The following PDE4D variants were observed in gnomAD, a reference collection of about 807,000 sequenced individuals.
The protein encoded by PDE4D is phosphodiesterase 4D, also known as 3',5'-cyclic-AMP phosphodiesterase 4D.
Under a neutral mutation model 87.4 loss-of-function variants are expected in PDE4D, and 24 were observed. The observed-to-expected ratio is 0.27, with a 90% CI of 0.20 to 0.39. The LOEUF is 0.39. Among genes scored for constraint, PDE4D ranks in the 10% least tolerant of loss-of-function variants. PDE4D has a pLI of 1.00. For missense variants in PDE4D, 714 were observed against 1,041.0 expected, an observed-to-expected ratio of 0.69 and a Z score of 4.32; for synonymous variants, 384 against 383.2, an observed-to-expected ratio of 1.00 and a Z score of -0.02.
In PDE4D at chr5:58,992,015, T is replaced by A; in HGVS notation, c.1016-11A>T. The stretch of plus-strand genomic sequence containing the variant: ...CTTCATGTTGCTTATCTTGAGAAAT[T>A]TAGAAAATGTTCTATATTTATTATT... On this transcript the variant is annotated splice_polypyrimidine_tract_variant and intron_variant, in intron 7 of 14. Transcript: ENST00000340635. 1 of 1,484,362 alleles carries A rather than the reference T, an allele frequency of 6.7e-7. No homozygotes were observed. The highest frequency in any genetic ancestry group is 9.1e-7 in the Non-Finnish European group (1 of 1,104,314). The allele number at this position is 1,484,362 out of a possible 1,614,324, so 91.9% of individuals were successfully genotyped here.
chr5:60,423,178 T>C (rs1038776597), intron 1 of PDE4D, among the ~76,000 whole-genome samples: 4 of 152,168 alleles, frequency 2.6e-5, no homozygotes. Context: ...TGAACTCAGC[T>C]CCGCAACAAG....
At chr5:59,096,981 C>G (rs1309431202) in intron 5 of PDE4D, among the ~76,000 whole-genome samples, 1 of 152,184 alleles carries the variant, frequency 6.6e-6, no homozygotes, top group Non-Finnish European at 1.5e-5. Flanking sequence ...AGATTTTACT[C>G]TTTAAATTCA....
intron 1 of PDE4D, among the ~76,000 whole-genome samples, chr5:59,257,950 A>G (rs1477961643): frequency 1.3e-5 from 2 of 151,988 alleles, no homozygotes; most frequent in African/African-American, 2.4e-5. Context: ...AAAACACCCC[A>G]GTCAAAGACA....
At position 60,351,938 on chromosome 5, in the gene PDE4D, T is replaced by G. The variant is rs149118632; in HGVS notation, c.-90+136004A>C. On this transcript the variant is annotated intron_variant, in intron 1 of 16. Coordinates refer to the PDE4D transcript ENST00000502484. ...CTCCCACCTCAGCCTCCTGAGTAGCTAGGACTACAGGCGTGCACCACCACA... is the reference window on the plus strand; with the variant it reads ...CTCCCACCTCAGCCTCCTGAGTAGCGAGGACTACAGGCGTGCACCACCACA... 4.8e-4 allele frequency among the ~76,000 whole-genome samples: 72 copies of G among 150,782 alleles called. 1 individual carries two copies. The East Asian group carries it at 0.013, about 27-fold the overall frequency.
intron 11 of PDE4D, among the ~76,000 whole-genome samples, chr5:58,983,242 C>CT (rs1408623840): frequency 2.0e-5 from 3 of 152,256 alleles, no homozygotes; most frequent in African/African-American, 4.8e-5. Flanking sequence ...ACCAGGCCCT[C>CT]TGTCAACTAC....
chr5:59,504,784 T>G (rs1230046042), intron 1 of PDE4D, among the ~76,000 whole-genome samples: 3 of 152,076 alleles, frequency 2.0e-5, no homozygotes, highest in Admixed American at 6.6e-5. Context: ...ACCAGTCATT[T>G]TCCCCCTGCT....
At chr5:59,415,687 T>G (rs1274745928) in intron 1 of PDE4D, among the ~76,000 whole-genome samples, 1 of 152,198 alleles carries the variant, frequency 6.6e-6, no homozygotes, top group Non-Finnish European at 1.5e-5. Flanking sequence ...ATATGTGATG[T>G]AAGTAAAAAA....
intron 1 of PDE4D, among the ~76,000 whole-genome samples, chr5:59,635,862 A>G (rs1832173107): frequency 6.6e-6 from 1 of 152,230 alleles, no homozygotes; most frequent in South Asian, 2.1e-4. Context: ...CCTGTTCAAC[A>G]CAGTATTGGA....
intron 1 of PDE4D, among the ~76,000 whole-genome samples, chr5:59,590,642 G>A (rs546128302): frequency 6.6e-6 from 1 of 152,280 alleles, no homozygotes; most frequent in Admixed American, 6.5e-5. Flanking sequence ...CCTCAGTGAA[G>A]TCCCTGCAGC....
At position 59,988,486 on chromosome 5, in the gene PDE4D, A is replaced by G; in HGVS notation, c.272+2T>C. ...GGGGAAATGACATCTGAGGGCACTC[A>G]CCCACTGGATTCTGCAGAAGTGATA... On this transcript the variant is annotated splice_donor_variant, in intron 3 of 16. Coordinates refer to the PDE4D transcript ENST00000502484. LOFTEE classifies it high-confidence loss of function. 6.3e-7 allele frequency: 1 copy of G among 1,575,584 alleles called. No homozygotes were observed. The highest frequency in any genetic ancestry group is 8.6e-7 in the Non-Finnish European group (1 of 1,160,126).
At chr5:59,568,267 C>T (rs190093688) in intron 1 of PDE4D, among the ~76,000 whole-genome samples, 18 of 152,100 alleles carry the variant, frequency 1.2e-4, no homozygotes, top group East Asian at 3.9e-4. Flanking sequence ...TTTCACAGCA[C>T]GATTAGTATG....
intron 2 of PDE4D, among the ~76,000 whole-genome samples, chr5:60,168,072 A>G (rs1783091417): frequency 6.6e-6 from 1 of 152,210 alleles, no homozygotes; most frequent in Non-Finnish European, 1.5e-5. Context: ...GGGTACTCTT[A>G]GCCTGGGATT....
chr5:59,447,524 C>A (rs1798523150), intron 1 of PDE4D, among the ~76,000 whole-genome samples: 1 of 152,150 alleles, frequency 6.6e-6, no homozygotes, highest in Non-Finnish European at 1.5e-5. Context: ...GTAAACCAAG[C>A]ACAATACAGT....
At chr5:60,511,091 T>G (rs1347893038) in intron 1 of PDE4D, among the ~76,000 whole-genome samples, 1 of 152,096 alleles carries the variant, frequency 6.6e-6, no homozygotes, top group Non-Finnish European at 1.5e-5. Flanking sequence ...TGCCTCAACC[T>G]CCCAAGTAGC....
chr5:59,357,900 A>G (rs1455501743), intron 1 of PDE4D, among the ~76,000 whole-genome samples: 1 of 152,098 alleles, frequency 6.6e-6, no homozygotes, highest in East Asian at 1.9e-4. Context: ...TCAACTGTAA[A>G]CCAAGGGAGA....
chr5:60,073,983 A>T (rs554851836), intron 2 of PDE4D, among the ~76,000 whole-genome samples: 2 of 152,138 alleles, frequency 1.3e-5, no homozygotes, highest in Non-Finnish European at 2.9e-5. Flanking sequence ...CAGCCCCTGG[A>T]TACATTGATC....
At chr5:59,972,503 A>G (rs1383601361) in intron 3 of PDE4D, among the ~76,000 whole-genome samples, 1 of 152,242 alleles carries the variant, frequency 6.6e-6, no homozygotes, top group Non-Finnish European at 1.5e-5. Flanking sequence ...GCTCACAAAG[A>G]AGGTAAAAAC....
chr5:59,757,532 T>C (rs1761423763), intron 1 of PDE4D, among the ~76,000 whole-genome samples: 1 of 152,134 alleles, frequency 6.6e-6, no homozygotes, highest in Non-Finnish European at 1.5e-5. Flanking sequence ...GGAAGGATAT[T>C]GTTTTGAGGT....
chr5:59,153,247 A>AAGCTT (rs1554082229), intron 5 of PDE4D, among the ~76,000 whole-genome samples: 3 of 152,168 alleles, frequency 2.0e-5, no homozygotes, highest in Admixed American at 6.5e-5. Flanking sequence ...GTGAAAGGCC[A>AAGCTT]ACCTTCATTG....
Sources: allele counts gnomAD v4.1 joint callset (sites outside exome capture counted in the v4.1 genomes callset), GRCh38; gene constraint gnomAD v4.1.1; transcripts MANE v1.5; gene names NCBI Gene and HGNC (gene_info 2026-07-23, HGNC 2026-07-21).